The following MTM1 variants were observed in gnomAD, a reference collection of about 807,000 sequenced individuals.
MTM1 encodes myotubularin.
A neutral mutation model predicts 52.1 loss-of-function variants in MTM1; 9 were observed. That is an observed-to-expected ratio of 0.17 (90% CI 0.10 to 0.30). The LOEUF (loss-of-function observed/expected upper bound fraction) is 0.30, where lower values mean the gene tolerates loss of function less well. Among genes scored for constraint, MTM1 ranks in the 10% least tolerant of loss-of-function variants. The pLI, the probability that MTM1 is intolerant of heterozygous loss-of-function variation, is 1.00. For synonymous variants in MTM1, 136 were observed against 163.8 expected, an observed-to-expected ratio of 0.83 and a Z score of 1.29; for missense variants, 277 against 470.7, an observed-to-expected ratio of 0.59 and a Z score of 3.81.
In MTM1 at chrX:150,583,620, TATA is replaced by T. The variant is rs1282733532; in HGVS notation, c.-10-8984_-10-8982del. ...TATATAATATATAATTTATATATAT[TATA>T]TATAATTTATATATAATATATAATT... On this transcript the variant is annotated intron_variant, in intron 1 of 14. Coordinates refer to ENST00000370396, the MANE Select transcript of MTM1 (RefSeq NM_000252.3). Among the ~76,000 whole-genome samples the T allele has an allele frequency of 2.0e-3, 72 of 35,238 alleles. 8 individuals carry two copies. The highest frequency in any genetic ancestry group is 8.9e-3 in the African/African-American group (69 of 7,740). The allele number at this position is 35,238 out of a possible 115,157, so 30.6% of individuals were successfully genotyped here.
intron 6 of MTM1, among the ~76,000 whole-genome samples, chrX:150,623,158 T>G (rs1486400318): frequency 1.8e-5 from 2 of 110,970 alleles, no homozygotes; most frequent in Non-Finnish European, 3.8e-5. Context: ...AGAGGCCATC[T>G]TTTAGGGAGT....
intron 4 of MTM1, among the ~76,000 whole-genome samples, chrX:150,609,496 G>A (rs1203573638): frequency 9.0e-6 from 1 of 111,728 alleles, no homozygotes; most frequent in African/African-American, 3.3e-5. Context: ...ACTGCATTTA[G>A]TTCTGGACAT....
chrX:150,586,783 G>A (rs1307810676), intron 1 of MTM1, among the ~76,000 whole-genome samples: 4 of 109,227 alleles, frequency 3.7e-5, no homozygotes, highest in Admixed American at 2.0e-4. Context: ...GCATGGTGGC[G>A]CACATCTGTA....
chrX:150,629,956 C>T (rs1470923175), intron 6 of MTM1, among the ~76,000 whole-genome samples: 1 of 112,121 alleles, frequency 8.9e-6, no homozygotes, highest in African/African-American at 3.2e-5. Flanking sequence ...TTTCCATCCA[C>T]CAATAGACAT....
chrX:150,670,646 GC>G (rs2040381216), intron 14 of MTM1, among the ~76,000 whole-genome samples: 1 of 112,233 alleles, frequency 8.9e-6, no homozygotes, highest in Admixed American at 9.4e-5. Flanking sequence ...AATGGGAACT[GC>G]CAGGTATCAC....
At chrX:150,618,344 T>A (rs782814639) in intron 5 of MTM1, among the ~76,000 whole-genome samples, 2 of 111,906 alleles carry the variant, frequency 1.8e-5, no homozygotes, top group African/African-American at 6.5e-5. Context: ...TTGAATAAAA[T>A]AGTTTTATAA....
At chrX:150,583,242 A>G (rs1316539274) in intron 1 of MTM1, among the ~76,000 whole-genome samples, 1 of 67,943 alleles carries the variant, frequency 1.5e-5, no homozygotes, top group Non-Finnish European at 2.4e-5. Context: ...TATATAAATT[A>G]TAAATTTATA....
intron 3 of MTM1, 49 bp from the exon 4 acceptor site, chrX:150,598,543 T>C (rs782809384): frequency 9.4e-6 from 7 of 742,799 alleles, no homozygotes; most frequent in Non-Finnish European, 1.3e-5. Context: ...TTGTTGTGTA[T>C]CTTGGTATCT....
intron 4 of MTM1, among the ~76,000 whole-genome samples, chrX:150,609,312 T>C (rs1483859309): frequency 9.0e-6 from 1 of 111,292 alleles, no homozygotes; most frequent in African/African-American, 3.3e-5. Flanking sequence ...CCAGAGAAGT[T>C]GCTGGTAGAA....
At chrX:150,570,512 T>TC (rs1238740735) in intron 1 of MTM1, among the ~76,000 whole-genome samples, 1 of 110,850 alleles carries the variant, frequency 9.0e-6, no homozygotes, top group Non-Finnish European at 1.9e-5. Context: ...TACTCACATT[T>TC]CCCCCCACCC....
intron 2 of MTM1, among the ~76,000 whole-genome samples, chrX:150,596,215 C>T (rs372107838): frequency 8.9e-6 from 1 of 111,822 alleles, no homozygotes; most frequent in Non-Finnish European, 1.9e-5. Flanking sequence ...TTATCACTTT[C>T]CCGAAAGCTG....
chrX:150,608,170 C>T (rs146964414), intron 4 of MTM1, among the ~76,000 whole-genome samples: 6,699 of 110,849 alleles, frequency 0.06, 172 homozygotes, highest in Non-Finnish European at 0.079. Context: ...CAGATGTCCT[C>T]GGCCTTGCCC....
Position 150,614,578 on chromosome X carries a change from G to A in MTM1, c.232-11G>A. ...CAGAAATACTGACTACTGTATTTTT[G>A]TCCATTACAGGATTCTTCTCTAATA... On this transcript the variant is annotated splice_polypyrimidine_tract_variant and intron_variant, in intron 4 of 14. Coordinates refer to ENST00000370396, the MANE Select transcript of MTM1 (RefSeq NM_000252.3). 9.7e-7 allele frequency: 1 copy of A among 1,029,193 alleles called. No homozygotes were observed. Among genetic ancestry groups the A allele is most frequent in the East Asian group, 3.1e-5 (1 of 32,702 alleles). The allele number at this position is 1,029,193 out of a possible 1,213,427, so 84.8% of individuals were successfully genotyped here. A position where few individuals can be genotyped will look rare whatever the true frequency, so the allele number is the denominator to read the frequency against.
intron 6 of MTM1, among the ~76,000 whole-genome samples, chrX:150,627,092 G>A (rs184102650): frequency 1.7e-4 from 19 of 111,257 alleles, no homozygotes; most frequent in African/African-American, 5.9e-4. Context: ...GGTCAGAAGC[G>A]TAGAATTCCC....
rs1283084362 is a variant in MTM1, at chrX:150,583,891, A to G, written c.-10-8714A>G. 6.6e-4 allele frequency among the ~76,000 whole-genome samples: 20 copies of G among 30,308 alleles called. 4 individuals are homozygous for G. Among genetic ancestry groups the G allele is most frequent in the Non-Finnish European group, 1.9e-4 (4 of 20,953 alleles). The allele number at this position is 30,308 out of a possible 115,157, so 26.3% of individuals were successfully genotyped here. A position where few individuals can be genotyped will look rare whatever the true frequency, so the allele number is the denominator to read the frequency against. The stretch of plus-strand genomic sequence containing the variant: ...TTAAATATATATTAAATATATATAT[A>G]TATTTGATATATATATATATAATAT... On this transcript the variant is annotated intron_variant, in intron 1 of 14. Coordinates refer to ENST00000370396, the MANE Select transcript of MTM1 (RefSeq NM_000252.3).
intron 10 of MTM1, among the ~76,000 whole-genome samples, chrX:150,657,174 G>C (rs782797861): frequency 9.1e-6 from 1 of 109,948 alleles, no homozygotes; most frequent in South Asian, 4.0e-4. Flanking sequence ...ACATGCACAC[G>C]TATGTTTATT....
At chrX:150,657,233 T>A (rs57921569) in intron 10 of MTM1, among the ~76,000 whole-genome samples, 2,455 of 110,846 alleles carry the variant, frequency 0.022, 63 homozygotes, top group African/African-American at 0.076. Context: ...CAAATGTCCA[T>A]CAATGATAGA....
At chrX:150,638,802 T>C (rs2039797967) in intron 6 of MTM1, 141 bp from the exon 7 acceptor site, 2 of 461,343 alleles carry the variant, frequency 4.3e-6, no homozygotes, top group Non-Finnish European at 7.5e-6. Context: ...TTTTTGTTGT[T>C]GTTGTTATAA....
intron 14 of MTM1, among the ~76,000 whole-genome samples, chrX:150,665,354 G>A (rs1192173809): frequency 1.8e-5 from 2 of 111,899 alleles, no homozygotes; most frequent in African/African-American, 6.5e-5. Flanking sequence ...TGGTAGGGGC[G>A]GCCAGAAACA....
Sources: allele counts gnomAD v4.1 joint callset (sites outside exome capture counted in the v4.1 genomes callset), GRCh38; gene constraint gnomAD v4.1.1; transcripts MANE v1.5; gene names NCBI Gene and HGNC (gene_info 2026-07-23, HGNC 2026-07-21).